The following WDR25 variants were observed in gnomAD, a reference collection of about 807,000 sequenced individuals.
The protein encoded by WDR25 is WD repeat domain 25, also known as WD repeat-containing protein 25.
In WDR25, 35 loss-of-function variants were observed where a neutral mutation model predicts 47.7. The observed-to-expected ratio is 0.73, with a 90% confidence interval of 0.56 to 0.97. The LOEUF (loss-of-function observed/expected upper bound fraction) is 0.97, where lower values mean the gene tolerates loss of function less well. WDR25 is among the 50% of genes least tolerant of loss of function. WDR25 has a pLI of 0.00. For synonymous variants in WDR25, 248 were observed against 278.9 expected, an observed-to-expected ratio of 0.89 and a Z score of 1.10; for missense variants, 634 against 704.7, an observed-to-expected ratio of 0.90 and a Z score of 1.14.
intron 2 of WDR25, among the ~76,000 whole-genome samples, chr14:100,451,729 G>A (rs1031040432): frequency 5.3e-5 from 8 of 152,150 alleles, no homozygotes; most frequent in South Asian, 2.1e-4. Flanking sequence ...TCTTGAGAAG[G>A]TAAGAGAGAT....
At chr14:100,521,281 ACTGG>A (rs2029875037) in intron 4 of WDR25, among the ~76,000 whole-genome samples, 1 of 152,164 alleles carries the variant, frequency 6.6e-6, no homozygotes, top group Non-Finnish European at 1.5e-5. Flanking sequence ...ATATTTACTG[ACTGG>A]CTCTTTACAG....
chr14:100,401,794 T>C (rs900021615), intron 2 of WDR25, among the ~76,000 whole-genome samples: 1 of 152,234 alleles, frequency 6.6e-6, no homozygotes, highest in Non-Finnish European at 1.5e-5. Context: ...TCTCTGCTCC[T>C]GGGTGGCTCT....
chr14:100,399,636 G>C (rs1405234952), intron 2 of WDR25, among the ~76,000 whole-genome samples: 1 of 152,176 alleles, frequency 6.6e-6, no homozygotes. Context: ...CAGAAGCTCT[G>C]TTCTGCTTTC....
intron 1 of WDR25, among the ~76,000 whole-genome samples, chr14:100,379,374 G>C (rs1395713416): frequency 1.3e-5 from 2 of 150,700 alleles, no homozygotes; most frequent in East Asian, 3.9e-4. Flanking sequence ...TGTCTCTTCA[G>C]GTCTTCTTTT....
At chr14:100,396,704 G>A (rs1897267937) in intron 2 of WDR25, among the ~76,000 whole-genome samples, 1 of 152,230 alleles carries the variant, frequency 6.6e-6, no homozygotes, top group South Asian at 2.1e-4. Flanking sequence ...CATAGGAGAG[G>A]CCAGGGGAAA....
Position 100,428,721 on chromosome 14 carries a change from T to C in WDR25, c.823-39300T>C, listed in dbSNP as rs1371119161. 6.6e-6 allele frequency among the ~76,000 whole-genome samples: 1 copy of C among 152,240 alleles called. No homozygotes were observed. Among genetic ancestry groups the C allele is most frequent in the Non-Finnish European group, 1.5e-5 (1 of 68,042 alleles). ...TCACTTCTTTCTTCAAGTGGATGTA[T>C]TTTTGAACATTTGATACCTTCTTTC... is the stretch of plus-strand genomic sequence containing the variant. On this transcript the variant is annotated intron_variant, in intron 2 of 6. Transcript: ENST00000402312. The surrounding 1 kb of genome is among the most constrained non-coding windows in gnomAD (Gnocchi z 4.3).
intron 2 of WDR25, among the ~76,000 whole-genome samples, chr14:100,446,704 G>A (rs1403448549): frequency 6.6e-6 from 1 of 152,222 alleles, no homozygotes; most frequent in Non-Finnish European, 1.5e-5. Context: ...CGCTGTGTCT[G>A]AAAGCTTGTG....
At position 100,404,738 on chromosome 14, in the gene WDR25, A is replaced by G. The variant is rs1897482167; in HGVS notation, c.822+22992A>G. 6.6e-6 allele frequency among the ~76,000 whole-genome samples: 1 copy of G among 152,014 alleles called. No homozygotes were observed. The highest frequency in any genetic ancestry group is 2.4e-5 in the African/African-American group (1 of 41,372). On this transcript the variant is annotated intron_variant, in intron 2 of 6. Transcript: ENST00000402312. This position sits in a 1 kb window ranked among gnomAD's most constrained non-coding sequence, Gnocchi z 4.6. ...CTGACTCTGTTTCTCTAGGGCCATG[A>G]TCCTGACTCTGAAATGCCAAGTATA...
At chr14:100,408,357 T>C (rs1897606204) in intron 2 of WDR25, among the ~76,000 whole-genome samples, 2 of 152,146 alleles carry the variant, frequency 1.3e-5, no homozygotes, top group Admixed American at 1.3e-4. Flanking sequence ...GAAACTCCTG[T>C]ATTTATTGAG....
intron 2 of WDR25, among the ~76,000 whole-genome samples, chr14:100,435,724 G>T (rs955208136): frequency 7.2e-5 from 11 of 152,180 alleles, no homozygotes; most frequent in African/African-American, 2.7e-4. Context: ...ACAGTGAGCA[G>T]GAAGGTGCTG....
rs1481269968 is a variant in WDR25 at position 100,468,193 on chromosome 14, G to A, written c.970+25G>A. 1 of 1,599,720 alleles carries A rather than the reference G, an allele frequency of 6.3e-7. No homozygotes were observed. Among genetic ancestry groups the A allele is most frequent in the African/African-American group, 1.3e-5 (1 of 74,728 alleles). On this transcript the variant is annotated intron_variant, in intron 3 of 6. Coordinates refer to ENST00000402312, the MANE Select transcript of WDR25 (RefSeq NM_001161476.3). The surrounding 1 kb of genome is among the most constrained non-coding windows in gnomAD (Gnocchi z 4.5). ...GGTGCGTTTCTTGTGTCACCTCCCT[G>A]AGGTGAGCTGGCAGCTCTCTCCCTG...
intron 4 of WDR25, among the ~76,000 whole-genome samples, chr14:100,504,224 C>G (rs78068144): frequency 3.6e-4 from 55 of 152,316 alleles, no homozygotes; most frequent in African/African-American, 1.3e-3. Context: ...TCCTTAATAT[C>G]ATCCACTCTC....
In WDR25 at chr14:100,428,105, C is replaced by A. The variant is rs1018306615; in HGVS notation, c.823-39916C>A. On this transcript the variant is annotated intron_variant, in intron 2 of 6. Transcript: ENST00000402312. The surrounding 1 kb of genome is among the most constrained non-coding windows in gnomAD (Gnocchi z 4.3). The stretch of plus-strand genomic sequence containing the variant: ...CCTGCAGCAGGGCCTCATCACAGTT[C>A]CCCCTGGAGCATTCACGCAAGGTCA... 6.6e-6 allele frequency among the ~76,000 whole-genome samples: 1 copy of A among 152,232 alleles called. No individual in the cohort carries two copies. The highest frequency in any genetic ancestry group is 1.5e-5 in the Non-Finnish European group (1 of 68,036).
At chr14:100,427,513 G>A (rs920967641) in intron 2 of WDR25, among the ~76,000 whole-genome samples, 1 of 152,188 alleles carries the variant, frequency 6.6e-6, no homozygotes, top group Non-Finnish European at 1.5e-5. Flanking sequence ...CCATCTCTGT[G>A]AGGCAAGAGT....
chr14:100,488,874 C>A lies in WDR25; in HGVS notation c.1101+4750C>A, dbSNP rs560465678. Among the ~76,000 whole-genome samples the A allele has an allele frequency of 1.3e-5, 2 of 152,162 alleles. No individual in the cohort carries two copies. Among genetic ancestry groups the A allele is most frequent in the Non-Finnish European group, 2.9e-5 (2 of 68,030 alleles). On this transcript the variant is annotated intron_variant, in intron 4 of 6. Transcript: ENST00000402312. This position sits in a 1 kb window ranked among gnomAD's most constrained non-coding sequence, Gnocchi z 4.2. ...TTATCCACAGGTGTTTATTTACAGC[C>A]GCTTGGTGTGGGAGCCTGAGTCACC...
chr14:100,434,271 T>C (rs569308921), intron 2 of WDR25, among the ~76,000 whole-genome samples: 1 of 152,356 alleles, frequency 6.6e-6, no homozygotes, highest in African/African-American at 2.4e-5. Flanking sequence ...TCTCTAATCC[T>C]GATCTAGTGC....
chr14:100,493,048 C>A (rs528002485), intron 4 of WDR25, among the ~76,000 whole-genome samples: 1 of 152,176 alleles, frequency 6.6e-6, no homozygotes, highest in Non-Finnish European at 1.5e-5. Flanking sequence ...TGGCCTCAAG[C>A]GATTCTCCTG....
chr14:100,527,510 G>A (rs957908141), intron 5 of WDR25, among the ~76,000 whole-genome samples: 14 of 152,152 alleles, frequency 9.2e-5, no homozygotes, highest in African/African-American at 3.4e-4. Flanking sequence ...CCTTTTCCTT[G>A]TTCTCAGTGG....
At chr14:100,510,691 G>A (rs563570979) in intron 4 of WDR25, among the ~76,000 whole-genome samples, 12 of 151,666 alleles carry the variant, frequency 7.9e-5, no homozygotes, top group Non-Finnish European at 1.8e-4. Flanking sequence ...AGCCGAGATC[G>A]CGTCATTGCA....
Sources: allele counts gnomAD v4.1 joint callset (sites outside exome capture counted in the v4.1 genomes callset), GRCh38; gene constraint gnomAD v4.1.1; non-coding constraint Gnocchi (gnomAD v3.1); transcripts MANE v1.5; gene names NCBI Gene and HGNC (gene_info 2026-07-23, HGNC 2026-07-21).